FBXL17: variants seen among roughly 807,000 people sequenced by gnomAD.
FBXL17 encodes the protein F-box/LRR-repeat protein 17.
In FBXL17, 22 loss-of-function variants were observed where a neutral mutation model predicts 66.2. That is an observed-to-expected ratio of 0.33 (90% CI 0.24 to 0.47). The LOEUF (loss-of-function observed/expected upper bound fraction) is 0.47. Among genes scored for constraint, FBXL17 ranks in the 20% least tolerant of loss-of-function variants. The pLI, the probability that FBXL17 is intolerant of heterozygous loss-of-function variation, is 1.00. For synonymous variants in FBXL17, 474 were observed against 400.5 expected (o/e 1.18, Z -2.19); for missense variants, 878 against 948.2 (o/e 0.93, Z 0.97).
At chr5:108,007,076 A>C (rs1753955435) in intron 7 of FBXL17, among the ~76,000 whole-genome samples, 2 of 152,228 alleles carry the variant, frequency 1.3e-5, no homozygotes, top group Admixed American at 1.3e-4. Flanking sequence ...TATGGTTAAA[A>C]TTACTGTTGA....
At chr5:107,939,546 A>G (rs940359330) in intron 7 of FBXL17, among the ~76,000 whole-genome samples, 1 of 152,068 alleles carries the variant, frequency 6.6e-6, no homozygotes, top group African/African-American at 2.4e-5. Context: ...TGTGTATCCA[A>G]CTTTTAATGT....
chr5:107,877,551 A>G (rs1399369601), intron 8 of FBXL17, among the ~76,000 whole-genome samples: 1 of 152,222 alleles, frequency 6.6e-6, no homozygotes, highest in Non-Finnish European at 1.5e-5. Flanking sequence ...GTGGCCCTCA[A>G]TAAAACTGAC....
At chr5:107,965,631 A>G (rs963016182) in intron 7 of FBXL17, among the ~76,000 whole-genome samples, 7 of 152,156 alleles carry the variant, frequency 4.6e-5, no homozygotes, top group Admixed American at 3.9e-4. Context: ...GTTAGATAGA[A>G]TGTTTCTCCC....
At chr5:108,239,952 C>G (rs1414733811) in intron 4 of FBXL17, among the ~76,000 whole-genome samples, 1 of 151,994 alleles carries the variant, frequency 6.6e-6, no homozygotes, top group Non-Finnish European at 1.5e-5. Flanking sequence ...TAGATACACC[C>G]TCAGCGAGAA....
chr5:108,048,520 A>G (rs190409293), intron 6 of FBXL17, among the ~76,000 whole-genome samples: 85 of 152,308 alleles, frequency 5.6e-4, no homozygotes, highest in Non-Finnish European at 1.2e-3. Flanking sequence ...GAGCTAAAGG[A>G]GCATGTCCTA....
rs890623079 is a variant in FBXL17 at position 108,381,502 on chromosome 5, T to C, written c.190A>G (p.Ile64Val). Residue 64 changes from isoleucine to valine, a missense_variant, in exon 1 of 9, where the codon ATC becomes GTC. Around this residue, in one of 4 missense-constraint regions of FBXL17, gnomAD observed 605 missense variants for 509.5 expected, o/e 1.19. Transcript: ENST00000542267. Reference protein sequence around the residue: ...FFRGPCMLCFIVHSPGAPAPA... With the variant: ...FFRGPCMLCFVVHSPGAPAPA... ...GCGGGCGCGCCGGGACTGTGCACGATGAAGCAGAGCATGCAGGGCCCGCGG... is the reference window on the plus strand; with the variant it reads ...GCGGGCGCGCCGGGACTGTGCACGACGAAGCAGAGCATGCAGGGCCCGCGG... 2 of 1,396,222 alleles carry C rather than the reference T, an allele frequency of 1.4e-6. No individual in the cohort carries two copies. Among genetic ancestry groups the C allele is most frequent in the Non-Finnish European group, 1.8e-6 (2 of 1,085,942 alleles). 86.5% of individuals were successfully genotyped at this position (1,396,222 alleles called of 1,614,324 possible).
intron 7 of FBXL17, among the ~76,000 whole-genome samples, chr5:107,943,257 T>C (rs1389203896): frequency 2.0e-5 from 3 of 152,106 alleles, no homozygotes; most frequent in Non-Finnish European, 4.4e-5. Flanking sequence ...GCCCTTTCCA[T>C]TCAGTATGCC....
chr5:108,004,323 GTAA>G (rs1447711478), intron 7 of FBXL17, among the ~76,000 whole-genome samples: 1 of 152,066 alleles, frequency 6.6e-6, no homozygotes, highest in Middle Eastern at 3.2e-3. Context: ...TTAATAAAAA[GTAA>G]TAATGTAATC....
intron 7 of FBXL17, among the ~76,000 whole-genome samples, chr5:107,937,484 G>C (rs886493832): frequency 1.3e-5 from 2 of 152,142 alleles, no homozygotes; most frequent in Non-Finnish European, 1.5e-5. Flanking sequence ...CGTACACACA[G>C]AAAAACAGGC....
intron 6 of FBXL17, among the ~76,000 whole-genome samples, chr5:108,086,791 C>A (rs1011346701): frequency 6.6e-6 from 1 of 152,120 alleles, no homozygotes; most frequent in East Asian, 1.9e-4. Context: ...GAGCCCCTGA[C>A]CTCAAGTGAT....
At chr5:108,017,092 A>G (rs1034718198) in intron 7 of FBXL17, among the ~76,000 whole-genome samples, 22 of 151,990 alleles carry the variant, frequency 1.4e-4, no homozygotes, top group African/African-American at 5.3e-4. Context: ...AAGGAAGTAA[A>G]TTTTCAAAAG....
At chr5:108,306,990 A>G (rs925682837) in intron 4 of FBXL17, among the ~76,000 whole-genome samples, 14 of 151,974 alleles carry the variant, frequency 9.2e-5, no homozygotes, top group Non-Finnish European at 7.4e-5. Flanking sequence ...TCTCTTTTTT[A>G]TGATATACAT....
At chr5:108,345,274 T>G (rs899894706) in intron 4 of FBXL17, among the ~76,000 whole-genome samples, 1 of 151,686 alleles carries the variant, frequency 6.6e-6, no homozygotes, top group African/African-American at 2.4e-5. Context: ...GAAGAGGAAG[T>G]TGCAGTGAGC....
At chr5:108,018,100 C>G (rs541535548) in intron 7 of FBXL17, among the ~76,000 whole-genome samples, 2 of 151,994 alleles carry the variant, frequency 1.3e-5, no homozygotes, top group Admixed American at 1.3e-4. Flanking sequence ...ACATACCCAC[C>G]ACCATAGAAA....
At chr5:108,361,515 A>C (rs1414119280) in intron 3 of FBXL17, among the ~76,000 whole-genome samples, 1 of 152,088 alleles carries the variant, frequency 6.6e-6, no homozygotes, top group African/African-American at 2.4e-5. Context: ...TTCCTGAACA[A>C]GTGTCCTGCC....
chr5:107,959,381 A>AACACACACACACACAC lies in FBXL17; in HGVS notation c.1822+61528_1822+61543dup, dbSNP rs57041975. The stretch of plus-strand genomic sequence containing the variant: ...TTATTTAACATACAGGGCTGCTATA[A>AACACACACACACACAC]ACACACACACACACACACACACACA... On this transcript the variant is annotated intron_variant, in intron 7 of 8. Transcript: ENST00000542267. 2.7e-3 allele frequency among the ~76,000 whole-genome samples: 403 copies of AACACACACACACACAC among 147,984 alleles called. 5 individuals are homozygous for AACACACACACACACAC. Among genetic ancestry groups the AACACACACACACACAC allele is most frequent in the African/African-American group, 9.5e-3 (378 of 39,622 alleles).
At chr5:108,141,694 T>C (rs1580502656) in intron 6 of FBXL17, among the ~76,000 whole-genome samples, 1 of 152,124 alleles carries the variant, frequency 6.6e-6, no homozygotes. Context: ...GATGGCATCC[T>C]AATCTCTGTA....
chr5:108,167,925 C>T (rs568633538), intron 6 of FBXL17, among the ~76,000 whole-genome samples: 5 of 152,108 alleles, frequency 3.3e-5, no homozygotes, highest in African/African-American at 7.2e-5. Flanking sequence ...GGGTCAGAAA[C>T]GGAAAGACTC....
At chr5:108,221,442 T>A (rs1754859630) in intron 5 of FBXL17, among the ~76,000 whole-genome samples, 1 of 152,180 alleles carries the variant, frequency 6.6e-6, no homozygotes, top group African/African-American at 2.4e-5. Flanking sequence ...AAATTGCAGA[T>A]CTGAAGACAG....
Sources: gnomAD v4.1 joint callset for allele counts (sites outside exome capture counted in the v4.1 genomes callset) on GRCh38, gnomAD v4.1.1 for gene constraint, gnomAD v4.1.1 regional missense constraint, MANE v1.5 for transcripts, NCBI Gene and HGNC (gene_info 2026-07-23, HGNC 2026-07-21) for gene names.